AGAP1: variants seen among roughly 807,000 people sequenced by gnomAD.
The protein encoded by AGAP1 is arf-GAP with GTPase, ANK repeat and PH domain-containing protein 1.
Under a neutral mutation model 105.3 loss-of-function variants are expected in AGAP1, and 29 were observed. The observed-to-expected ratio is 0.28, with a 90% confidence interval of 0.21 to 0.38. AGAP1 has a LOEUF of 0.38. Among genes scored for constraint, AGAP1 ranks in the 10% least tolerant of loss-of-function variants. AGAP1 has a pLI of 1.00. For missense variants in AGAP1, 998 were observed against 1,165.1 expected (o/e 0.86, Z 2.09); for synonymous variants, 509 against 485.9 (o/e 1.05, Z -0.63).
intron 2 of AGAP1, among the ~76,000 whole-genome samples, chr2:235,715,882 T>C (rs1575210314): frequency 6.6e-6 from 1 of 151,740 alleles, no homozygotes; most frequent in Non-Finnish European, 1.5e-5. Flanking sequence ...AGAGGCTGGG[T>C]GTGATGTGGC....
At chr2:235,630,208 A>G (rs1946781534) in intron 1 of AGAP1, among the ~76,000 whole-genome samples, 1 of 151,996 alleles carries the variant, frequency 6.6e-6, no homozygotes, top group Non-Finnish European at 1.5e-5. Flanking sequence ...TTCCTCCTAA[A>G]CGTCTTTCTG....
rs56061740 is a variant in AGAP1, at chr2:235,527,700, C to G, written c.163+32851C>G. ...GCCGCTCCTGGCCTACTTTAAACAT[C>G]TATAATTTGTGTTCGTTGTAGGATT... On this transcript the variant is annotated intron_variant, in intron 1 of 17. Transcript: ENST00000304032. 3.6e-3 allele frequency among the ~76,000 whole-genome samples: 544 copies of G among 152,260 alleles called. 4 individuals are homozygous for G. The highest frequency in any genetic ancestry group is 0.012 in the African/African-American group (509 of 41,550).
intron 1 of AGAP1, among the ~76,000 whole-genome samples, chr2:235,561,476 C>T (rs1449816459): frequency 6.6e-6 from 1 of 152,118 alleles, no homozygotes; most frequent in East Asian, 1.9e-4. Context: ...CACCCTTTAT[C>T]TCCTGCTTCC....
chr2:235,860,817 A>G (rs1055190855), intron 9 of AGAP1, among the ~76,000 whole-genome samples: 1 of 152,266 alleles, frequency 6.6e-6, no homozygotes, highest in Admixed American at 6.5e-5. Context: ...TTCAATTAGC[A>G]TGTATAAAAA....
chr2:235,537,826 T>C (rs934771297), intron 1 of AGAP1, among the ~76,000 whole-genome samples: 12 of 152,152 alleles, frequency 7.9e-5, no homozygotes, highest in African/African-American at 1.2e-4. Context: ...TGTTTTTTTT[T>C]CCTCTGTCTC....
intron 9 of AGAP1, among the ~76,000 whole-genome samples, chr2:235,834,900 C>G (rs1466738295): frequency 6.6e-6 from 1 of 152,128 alleles, no homozygotes; most frequent in Non-Finnish European, 1.5e-5. Context: ...AATCACGCCA[C>G]GCAGGTGGAA....
intron 12 of AGAP1, among the ~76,000 whole-genome samples, chr2:235,943,945 G>T (rs889959765): frequency 2.0e-5 from 3 of 152,138 alleles, no homozygotes; most frequent in African/African-American, 7.2e-5. Flanking sequence ...AACAGAAAGT[G>T]ATATTAATAT....
In AGAP1 at chr2:235,965,326, G is replaced by A. The variant is rs1013393870; in HGVS notation, c.1484-3136G>A. Among the ~76,000 whole-genome samples the A allele has an allele frequency of 3.3e-5, 5 of 152,176 alleles. No individual in the cohort carries two copies. The highest frequency in any genetic ancestry group is 1.3e-4 in the Admixed American group (2 of 15,282). On this transcript the variant is annotated intron_variant, in intron 12 of 17. Coordinates refer to ENST00000304032, the MANE Select transcript of AGAP1 (RefSeq NM_001037131.3). This position sits in a 1 kb window ranked among gnomAD's most constrained non-coding sequence, Gnocchi z 5.8. ...GCCCCTGTGGACGTAGGGAGGAGAG[G>A]CAGGAAAACATGGCATCTTGGGCCA...
At chr2:236,098,923 A>G (rs2059265393) in intron 16 of AGAP1, among the ~76,000 whole-genome samples, 2 of 151,794 alleles carry the variant, frequency 1.3e-5, no homozygotes, top group African/African-American at 4.8e-5. Context: ...CTGGCCCTAA[A>G]AGCCCTTTCT....
chr2:235,694,230 A>T (rs1949884951), intron 1 of AGAP1, among the ~76,000 whole-genome samples: 1 of 149,632 alleles, frequency 6.7e-6, no homozygotes, highest in Admixed American at 6.6e-5. Flanking sequence ...TTGTAATCCC[A>T]GCACTTTAGG....
intron 1 of AGAP1, among the ~76,000 whole-genome samples, chr2:235,656,389 T>G (rs1947771588): frequency 6.6e-6 from 1 of 152,238 alleles, no homozygotes; most frequent in African/African-American, 2.4e-5. Flanking sequence ...TATGTCAGTA[T>G]GTTCAGTTCT....
At chr2:235,699,919 C>G (rs1950171588) in intron 1 of AGAP1, among the ~76,000 whole-genome samples, 1 of 152,204 alleles carries the variant, frequency 6.6e-6, no homozygotes. Context: ...CAACCTCAGG[C>G]TGGTTCTTCT....
intron 1 of AGAP1, among the ~76,000 whole-genome samples, chr2:235,602,996 C>G (rs1344446138): frequency 6.6e-6 from 1 of 152,308 alleles, no homozygotes; most frequent in East Asian, 1.9e-4. Context: ...GCCACCGTGC[C>G]TGGCCCATCG....
intron 1 of AGAP1, among the ~76,000 whole-genome samples, chr2:235,686,550 T>TACACACACAC (rs530198533): frequency 4.9e-4 from 44 of 90,200 alleles, no homozygotes; most frequent in African/African-American, 2.0e-3. Flanking sequence ...GAAGGAGATA[T>TACACACACAC]ATATATACAC....
At chr2:235,515,768 A>G (rs56664653) in intron 1 of AGAP1, among the ~76,000 whole-genome samples, 1 of 152,352 alleles carries the variant, frequency 6.6e-6, no homozygotes, top group African/African-American at 2.4e-5. Context: ...AACTGTTAAG[A>G]TGCTGTCAAC....
At chr2:235,531,676 C>T (rs1391153951) in intron 1 of AGAP1, among the ~76,000 whole-genome samples, 3 of 149,982 alleles carry the variant, frequency 2.0e-5, no homozygotes, top group Non-Finnish European at 3.0e-5. Flanking sequence ...GGCGCGATCT[C>T]GGCTCAATGC....
At position 236,092,714 on chromosome 2, in the gene AGAP1, G is replaced by A. The variant is rs2059095083; in HGVS notation, c.2115-27478G>A. Among the ~76,000 whole-genome samples, 1 of 152,200 alleles carries A rather than the reference G, an allele frequency of 6.6e-6. No individual in the cohort carries two copies. Among genetic ancestry groups the A allele is most frequent in the Admixed American group, 6.5e-5 (1 of 15,282 alleles). ...GCCGTATTATTTCTTTAAACTCCATGTGAATACACAATTATTTCAAAAAAG... is the reference window on the plus strand; with the variant it reads ...GCCGTATTATTTCTTTAAACTCCATATGAATACACAATTATTTCAAAAAAG... On this transcript the variant is annotated intron_variant, in intron 16 of 17. Coordinates refer to ENST00000304032, the MANE Select transcript of AGAP1 (RefSeq NM_001037131.3). This position sits in a 1 kb window ranked among gnomAD's most constrained non-coding sequence, Gnocchi z 4.7.
intron 1 of AGAP1, among the ~76,000 whole-genome samples, chr2:235,661,506 G>GA (rs1463358942): frequency 3.7e-5 from 5 of 134,084 alleles, no homozygotes; most frequent in Non-Finnish European, 3.1e-5. Flanking sequence ...CTAGGAATGG[G>GA]AAAGGGGGCT....
intron 13 of AGAP1, among the ~76,000 whole-genome samples, chr2:236,032,541 A>G (rs550655121): frequency 6.6e-6 from 1 of 152,290 alleles, no homozygotes; most frequent in African/African-American, 2.4e-5. Flanking sequence ...CTTGATCTGT[A>G]ATCTTACAGA....
Sources: allele counts gnomAD v4.1 joint callset (sites outside exome capture counted in the v4.1 genomes callset), GRCh38; gene constraint gnomAD v4.1.1; non-coding constraint Gnocchi (gnomAD v3.1); transcripts MANE v1.5; gene names NCBI Gene and HGNC (gene_info 2026-07-23, HGNC 2026-07-21).